The following AQR variants were observed in gnomAD, a reference collection of about 807,000 sequenced individuals.
AQR encodes RNA helicase aquarius.
Under a neutral mutation model 180.5 loss-of-function variants are expected in AQR, and 61 were observed. That is an observed-to-expected ratio of 0.34 (90% CI 0.28 to 0.42). The LOEUF is 0.42. Among genes scored for constraint, AQR ranks in the 10% least tolerant of loss-of-function variants. The pLI, the probability that AQR is intolerant of heterozygous loss-of-function variation, is 1.00. For missense variants in AQR, 1,281 were observed against 1,798.3 expected (o/e 0.71, Z 5.20); for synonymous variants, 551 against 588.8 (o/e 0.94, Z 0.93).
chr15:34,897,183 T>C (rs2140474797), intron 21 of AQR, among the ~76,000 whole-genome samples: 1 of 152,330 alleles, frequency 6.6e-6, no homozygotes, highest in Admixed American at 6.5e-5. Flanking sequence ...CCAGACCTCA[T>C]TTGGAGTGCC....
chr15:34,853,143 T>C lies in AQR; in HGVS notation c.*3649A>G, dbSNP rs949341431. On this transcript the variant is annotated 3_prime_UTR_variant, in exon 35 of 35. Transcript: ENST00000156471. Reference sequence around the variant, plus strand: ...GCTCCAGTTCCATTATTCTTAAACATCTATTAACATGATTGCTAAATAATT... The same window carrying C: ...GCTCCAGTTCCATTATTCTTAAACACCTATTAACATGATTGCTAAATAATT... The C allele has an allele frequency of 1.3e-5, 2 of 152,264 alleles. No individual in the cohort carries two copies. The highest frequency in any genetic ancestry group is 6.5e-5 in the Admixed American group (1 of 15,304). The allele number at this position is 152,264 out of a possible 1,614,324, so 9.4% of individuals were successfully genotyped here.
chr15:34,904,629 C>A (rs1367724961), intron 18 of AQR, 124 bp from the exon 19 acceptor site: 2 of 884,848 alleles, frequency 2.3e-6, no homozygotes, highest in Non-Finnish European at 3.3e-6. Flanking sequence ...ACCATTCTTC[C>A]CAAAGTAGAA....
At chr15:34,872,728 T>C (rs936229648) in intron 30 of AQR, among the ~76,000 whole-genome samples, 9 of 152,158 alleles carry the variant, frequency 5.9e-5, no homozygotes, top group African/African-American at 2.2e-4. Context: ...CAATAAGATC[T>C]GCATGAGTTA....
intron 29 of AQR, chr15:34,874,351 C>T (rs1892862823): frequency 2.9e-6 from 1 of 341,030 alleles, no homozygotes; most frequent in Non-Finnish European, 5.2e-6. Flanking sequence ...GGTGTGTTCT[C>T]CTCTTGTTCA....
In AQR at chr15:34,909,324, A is replaced by T. The variant is rs1378175898; in HGVS notation, c.1663+811T>A. Among the ~76,000 whole-genome samples the T allele has an allele frequency of 2.6e-5, 4 of 152,234 alleles. No individual in the cohort carries two copies. The East Asian group carries it at 7.7e-4, about 29-fold the overall frequency. On this transcript the variant is annotated intron_variant, in intron 17 of 34. Coordinates refer to ENST00000156471, the MANE Select transcript of AQR (RefSeq NM_014691.3). ...AGAAAAATATAAAACTGCCTATTAG[A>T]AATCAGTTCATATGTCACTTCTGGC...
chr15:34,948,478 T>C lies in AQR; in HGVS notation c.210-94A>G, dbSNP rs1008380014. 16 of 1,445,872 alleles carry C rather than the reference T, an allele frequency of 1.1e-5. No homozygotes were observed. The South Asian group carries it at 2.2e-4, about 20-fold the overall frequency. 89.6% of individuals were successfully genotyped at this position (1,445,872 alleles called of 1,614,324 possible). On this transcript the variant is annotated intron_variant, in intron 4 of 34. Transcript: ENST00000156471. ...AGAAAAGCATAATTATTTACAACTT[T>C]CTGAAAATATTTTGGAAATCTCTAT...
chr15:34,868,059 T>C (rs1256199699), intron 31 of AQR: 1 of 160,624 alleles, frequency 6.2e-6, no homozygotes. Flanking sequence ...TTCATTGCAC[T>C]TTCTGTTCAG....
At chr15:34,871,053 G>T in intron 30 of AQR, 131 bp from the exon 31 acceptor site, 1 of 740,830 alleles carries the variant, frequency 1.3e-6, no homozygotes. Flanking sequence ...TAGTAACTTG[G>T]ATAAGTGAGT....
At chr15:34,905,044 T>C (rs74009755) in intron 18 of AQR, among the ~76,000 whole-genome samples, 10 of 135,120 alleles carry the variant, frequency 7.4e-5, no homozygotes, top group African/African-American at 2.8e-4. Context: ...AGGATACTAA[T>C]GGTTGAAAGC....
At chr15:34,932,536 G>T in intron 10 of AQR, 102 bp from the exon 11 acceptor site, 1 of 831,874 alleles carries the variant, frequency 1.2e-6, no homozygotes, top group Non-Finnish European at 1.9e-6. Flanking sequence ...CACATACAAG[G>T]TACCCTCCAA....
At chr15:34,885,983 A>C (rs2140469046) in intron 25 of AQR, among the ~76,000 whole-genome samples, 1 of 152,286 alleles carries the variant, frequency 6.6e-6, no homozygotes, top group African/African-American at 2.4e-5. Context: ...TATTCACTTT[A>C]TTTGGCTATT....
chr15:34,881,980 AT>A (rs1734484215), intron 27 of AQR, among the ~76,000 whole-genome samples: 1 of 151,912 alleles, frequency 6.6e-6, no homozygotes, highest in Admixed American at 6.6e-5. Context: ...TAGTTTTTGT[AT>A]TTTTAATAGA....
rs746441087 is a variant in AQR, at chr15:34,932,481, C to G, written c.784-47G>C. 23 of 1,327,234 alleles carry G rather than the reference C, an allele frequency of 1.7e-5. No individual in the cohort carries two copies. In the South Asian group the frequency reaches 2.5e-4, roughly 14 times the overall value. The allele number at this position is 1,327,234 out of a possible 1,614,324, so 82.2% of individuals were successfully genotyped here. On this transcript the variant is annotated intron_variant, in intron 10 of 34. Transcript: ENST00000156471. ...ACAGTAAGTTTGCATCTATTCTCCA[C>G]AGCTAGAAGTGAAATCTAGTGATAT...
At chr15:34,923,124 T>C (rs745430366) in intron 13 of AQR, among the ~76,000 whole-genome samples, 16 of 152,236 alleles carry the variant, frequency 1.1e-4, no homozygotes, top group African/African-American at 3.9e-4. Flanking sequence ...ACTTTTATTA[T>C]AGTATATTGT....
intron 5 of AQR, among the ~76,000 whole-genome samples, chr15:34,946,618 G>C (rs547244367): frequency 6.8e-6 from 1 of 146,710 alleles, no homozygotes; most frequent in Admixed American, 6.7e-5. Flanking sequence ...CGCCCCATCC[G>C]GGAGGTGAGG....
Position 34,969,630 on chromosome 15 carries a change from C to T in AQR, c.-17G>A, listed in dbSNP as rs369503873. 1.4e-5 allele frequency: 22 copies of T among 1,612,054 alleles called. No individual in the cohort carries two copies. In the African/African-American group the frequency reaches 1.9e-4, roughly 14 times the overall value. ...GGCTGCCATGGCAGCACTCTTCCCT[C>T]CACTCCAGTGGAAACTAAAGGACCG... On this transcript the variant is annotated 5_prime_UTR_variant, in exon 1 of 35. Coordinates refer to ENST00000156471, the MANE Select transcript of AQR (RefSeq NM_014691.3).
rs540205010 is a variant in AQR at position 34,854,044 on chromosome 15, C to T, written c.*2748G>A. On this transcript the variant is annotated 3_prime_UTR_variant, in exon 35 of 35. Coordinates refer to ENST00000156471, the MANE Select transcript of AQR (RefSeq NM_014691.3). ...TAGCAAAACATCTCAACTTTTATTACACCAACTTTGGGAGTCTTGATGATG... is the reference window on the plus strand; with the variant it reads ...TAGCAAAACATCTCAACTTTTATTATACCAACTTTGGGAGTCTTGATGATG... 9 of 151,808 alleles carry T rather than the reference C, an allele frequency of 5.9e-5. 1 individual carries two copies. In the South Asian group the frequency reaches 1.7e-3, roughly 28 times the overall value. 9.4% of individuals were successfully genotyped at this position (151,808 alleles called of 1,614,324 possible). A position where few individuals can be genotyped will look rare whatever the true frequency, so the allele number is the denominator to read the frequency against.
At chr15:34,901,095 C>T (rs77966446) in intron 19 of AQR, among the ~76,000 whole-genome samples, 1,813 of 152,214 alleles carry the variant, frequency 0.012, 38 homozygotes, top group African/African-American at 0.041. Flanking sequence ...ACAGTTTATC[C>T]GTTAAGAGTT....
intron 26 of AQR, among the ~76,000 whole-genome samples, chr15:34,882,990 G>A (rs936428769): frequency 2.6e-5 from 4 of 152,106 alleles, no homozygotes; most frequent in Non-Finnish European, 5.9e-5. Context: ...GCAAGAAACT[G>A]GTTATATAAG....
Sources: allele counts gnomAD v4.1 joint callset (sites outside exome capture counted in the v4.1 genomes callset), GRCh38; gene constraint gnomAD v4.1.1; transcripts MANE v1.5; gene names NCBI Gene and HGNC (gene_info 2026-07-23, HGNC 2026-07-21).